ZFHX3: variants seen among roughly 807,000 people sequenced by gnomAD.
The protein encoded by ZFHX3 is zinc finger homeobox 3, also known as zinc finger homeobox protein 3.
Under a neutral mutation model 279.1 loss-of-function variants are expected in ZFHX3, and 42 were observed. The ratio of observed to expected loss-of-function variants is 0.15; its 90% CI spans 0.12 to 0.19. The LOEUF (loss-of-function observed/expected upper bound fraction) is 0.19, where lower values mean the gene tolerates loss of function less well. Ranked by LOEUF, ZFHX3 falls within the 10% of genes least tolerant of loss-of-function variation. ZFHX3 has a pLI of 1.00. For missense variants in ZFHX3, 4,981 were observed against 4,754.0 expected (o/e 1.05, Z -1.40); for synonymous variants, 2,293 against 1,957.8 (o/e 1.17, Z -4.52).
At chr16:72,867,085 C>A (rs1224402495) in intron 4 of ZFHX3, among the ~76,000 whole-genome samples, 1 of 152,132 alleles carries the variant, frequency 6.6e-6, no homozygotes, top group Admixed American at 6.5e-5. Context: ...ATGGGCTGAA[C>A]AGAAGATGAT....
chr16:73,575,894 G>T (rs2051794367), intron 2 of ZFHX3, among the ~76,000 whole-genome samples: 1 of 152,116 alleles, frequency 6.6e-6, no homozygotes, highest in African/African-American at 2.4e-5. Flanking sequence ...CGATGATTGT[G>T]TTTCTCTCTT....
chr16:73,736,169 T>C (rs2053608473), intron 1 of ZFHX3, among the ~76,000 whole-genome samples: 1 of 152,124 alleles, frequency 6.6e-6, no homozygotes, highest in Non-Finnish European at 1.5e-5. Flanking sequence ...GGATTCTAGT[T>C]TGTGCCCACA....
intron 2 of ZFHX3, among the ~76,000 whole-genome samples, chr16:73,584,107 G>T (rs1307799867): frequency 6.6e-6 from 1 of 152,120 alleles, no homozygotes; most frequent in East Asian, 1.9e-4. Context: ...AATAACTCAT[G>T]CAGAGCATAG....
chr16:73,293,997 A>AAAC (rs1426814353), intron 4 of ZFHX3: 1 of 151,046 alleles, frequency 6.6e-6, no homozygotes, highest in African/African-American at 2.4e-5. Context: ...AAAAAAAAAA[A>AAAC]AAAAAAAAAA....
intron 2 of ZFHX3, among the ~76,000 whole-genome samples, chr16:73,479,855 A>C (rs2143622855): frequency 6.6e-6 from 1 of 152,338 alleles, no homozygotes; most frequent in East Asian, 1.9e-4. Context: ...CCATTATCCT[A>C]TTAAACCTCC....
intron 2 of ZFHX3, among the ~76,000 whole-genome samples, chr16:73,514,470 C>A (rs1008341250): frequency 6.6e-6 from 1 of 151,908 alleles, no homozygotes; most frequent in Non-Finnish European, 1.5e-5. Context: ...TAGGTCCCAT[C>A]ATTATTATTA....
intron 2 of ZFHX3, among the ~76,000 whole-genome samples, chr16:73,608,405 T>G (rs966148139): frequency 4.6e-5 from 7 of 152,218 alleles, no homozygotes; most frequent in Non-Finnish European, 1.0e-4. Context: ...AAAACATGTG[T>G]GTTGGAATAT....
chr16:73,314,247 G>T (rs910438120), intron 4 of ZFHX3, among the ~76,000 whole-genome samples: 1 of 152,154 alleles, frequency 6.6e-6, no homozygotes, highest in African/African-American at 2.4e-5. Context: ...TTTGGACTTC[G>T]TCTGCACTAT....
chr16:73,454,410 A>T (rs769476253), intron 3 of ZFHX3, among the ~76,000 whole-genome samples: 1 of 152,174 alleles, frequency 6.6e-6, no homozygotes, highest in Non-Finnish European at 1.5e-5. Context: ...TGCCGATCCC[A>T]AAGGAATAAA....
intron 1 of ZFHX3, among the ~76,000 whole-genome samples, chr16:73,006,556 T>C (rs1963707354): frequency 1.3e-5 from 2 of 150,778 alleles, no homozygotes; most frequent in South Asian, 4.2e-4. Flanking sequence ...AGGTCAAGGC[T>C]ATAATGAGCC....
rs117976448 is a variant in ZFHX3 at position 72,913,233 on chromosome 16, C to T, written c.3217-23271G>A. Among the ~76,000 whole-genome samples the T allele has an allele frequency of 3.7e-4, 57 of 152,334 alleles. 1 individual carries two copies. In the East Asian group the frequency reaches 0.01, roughly 27 times the overall value. ...AATGAGCATTGCTACAATACTATGACCAAGCTACAGACTTTATTCAGATGC... is the reference window on the plus strand; with the variant it reads ...AATGAGCATTGCTACAATACTATGATCAAGCTACAGACTTTATTCAGATGC... On this transcript the variant is annotated intron_variant, in intron 3 of 9. Transcript: ENST00000268489.
At chr16:73,417,396 C>CTTTTTTTTT (rs57283343) in intron 3 of ZFHX3, among the ~76,000 whole-genome samples, 6 of 118,770 alleles carry the variant, frequency 5.1e-5, no homozygotes, top group South Asian at 2.7e-4. Flanking sequence ...TTTTTCTTTT[C>CTTTTTTTTT]TTTTTTTTTT....
intron 4 of ZFHX3, among the ~76,000 whole-genome samples, chr16:72,876,591 G>GAA (rs572905645): frequency 4.1e-5 from 6 of 144,660 alleles, no homozygotes; most frequent in African/African-American, 1.5e-4. Flanking sequence ...CAGGCATGTT[G>GAA]AAAAAAAAAA....
intron 6 of ZFHX3, among the ~76,000 whole-genome samples, chr16:73,135,683 G>C (rs1252274974): frequency 2.0e-5 from 3 of 152,080 alleles, no homozygotes; most frequent in Non-Finnish European, 2.9e-5. Context: ...CAAAATTTGA[G>C]ATATTTCAGG....
At chr16:73,480,995 C>A (rs2018855464) in intron 2 of ZFHX3, among the ~76,000 whole-genome samples, 1 of 152,186 alleles carries the variant, frequency 6.6e-6, no homozygotes, top group African/African-American at 2.4e-5. Flanking sequence ...GTCTCGGCAA[C>A]TCTTCTCTGT....
rs375041922 is a variant in ZFHX3 at position 72,958,782 on chromosome 16, T to G, written c.1364A>C (p.Lys455Thr). Residue 455 changes from lysine (K) to threonine (T), a missense_variant, in exon 2 of 10, where the codon AAG becomes ACG. Lys to Thr is a moderately conservative substitution (Grantham distance 78). Coordinates refer to ENST00000268489, the MANE Select transcript of ZFHX3 (RefSeq NM_006885.4). ...EVGDGDCFSE[K>T]VEPAEEEAEE... is the part of the protein sequence containing the mutation. ...CGCCTCCTCTTCGGCTGGCTCTACC[T>G]TCTCAGAGAAGCAATCCCCGTCGCC... is the stretch of plus-strand genomic sequence containing the variant. 6.2e-7 allele frequency: 1 copy of G among 1,614,022 alleles called. No homozygotes were observed. Among genetic ancestry groups the G allele is most frequent in the Non-Finnish European group, 8.5e-7 (1 of 1,180,042 alleles).
At chr16:73,890,617 C>G (rs2030503173) in intron 1 of ZFHX3, among the ~76,000 whole-genome samples, 1 of 152,138 alleles carries the variant, frequency 6.6e-6, no homozygotes, top group Non-Finnish European at 1.5e-5. Context: ...TACTCAAACA[C>G]AGAACTGAAG....
At chr16:73,889,361 G>C (rs1393272961) in intron 1 of ZFHX3, among the ~76,000 whole-genome samples, 1 of 152,182 alleles carries the variant, frequency 6.6e-6, no homozygotes, top group Non-Finnish European at 1.5e-5. Flanking sequence ...TCTATTAATA[G>C]TATCCGTGCA....
chr16:72,821,225 A>G (rs2036782440), intron 5 of ZFHX3, among the ~76,000 whole-genome samples: 1 of 152,148 alleles, frequency 6.6e-6, no homozygotes, highest in Admixed American at 6.5e-5. Flanking sequence ...CAGGTTCCAC[A>G]GGAAAATGTG....
Sources: allele counts gnomAD v4.1 joint callset (sites outside exome capture counted in the v4.1 genomes callset), GRCh38; gene constraint gnomAD v4.1.1; transcripts MANE v1.5; gene names NCBI Gene and HGNC (gene_info 2026-07-23, HGNC 2026-07-21).